BLM: variants seen among roughly 807,000 people sequenced by gnomAD.
The protein encoded by BLM is recQ-like DNA helicase BLM.
BLM carries 95 observed loss-of-function variants against 135.3 expected under a neutral mutation model. The observed-to-expected ratio is 0.70, with a 90% CI of 0.59 to 0.83. BLM has a LOEUF of 0.83. Among genes scored for constraint, BLM ranks in the 40% least tolerant of loss-of-function variants. The pLI, the probability that BLM is intolerant of heterozygous loss-of-function variation, is 0.00. For missense variants in BLM, 1,518 were observed against 1,663.9 expected (o/e 0.91, Z 1.53); for synonymous variants, 520 against 589.2 (o/e 0.88, Z 1.70).
rs377153391 is a variant in BLM at position 90,815,163 on chromosome 15, A to G, written c.4138A>G (p.Ser1380Gly). Residue 1380 changes from serine to glycine, a missense_variant, in exon 22 of 22, where the codon AGT becomes GGT. By Grantham distance (56) the Ser-to-Gly change is moderately conservative. This residue lies in a region of BLM where 153 missense variants were observed against 173.4 expected (regional missense o/e 0.88). Coordinates refer to ENST00000355112, the MANE Select transcript of BLM (RefSeq NM_000057.4). This position sits in a 1 kb window ranked among gnomAD's most constrained non-coding sequence, Gnocchi z 4.6. ...KTKSSSIIGS[S>G]SASHTSQATS... ...GAAATCCTCCAGCATCATTGGATCC[A>G]GTTCAGCCTCACATACTTCTCAAGC... is the stretch of plus-strand genomic sequence containing the variant. 1 of 1,614,092 alleles carries G rather than the reference A, an allele frequency of 6.2e-7. No individual in the cohort carries two copies. Among genetic ancestry groups the G allele is most frequent in the Non-Finnish European group, 8.5e-7 (1 of 1,180,038 alleles).
intron 19 of BLM, among the ~76,000 whole-genome samples, chr15:90,806,018 T>C (rs117704904): frequency 1.2e-3 from 180 of 152,224 alleles, no homozygotes; most frequent in Non-Finnish European, 1.9e-3. Context: ...TTACTTTGAT[T>C]ATATGTATTT....
chr15:90,806,510 C>CAAA (rs3079983), intron 19 of BLM, among the ~76,000 whole-genome samples: 13 of 113,408 alleles, frequency 1.1e-4, no homozygotes, highest in Admixed American at 1.6e-4. Context: ...GACTCCATCT[C>CAAA]AAAAAAAAAA....
chr15:90,750,458 C>T (rs779566520), intron 3 of BLM, among the ~76,000 whole-genome samples: 6 of 152,184 alleles, frequency 3.9e-5, no homozygotes, highest in Non-Finnish European at 8.8e-5. Flanking sequence ...GACAGTCAAT[C>T]TGATAACTGA....
rs1314614444 is a variant in BLM at position 90,790,637 on chromosome 15, C to T, written c.2824-12C>T. The T allele has an allele frequency of 1.2e-6, 2 of 1,613,242 alleles. No individual in the cohort carries two copies. Among genetic ancestry groups the T allele is most frequent in the Non-Finnish European group, 1.7e-6 (2 of 1,179,256 alleles). On this transcript the variant is annotated splice_polypyrimidine_tract_variant and intron_variant, in intron 14 of 21. Transcript: ENST00000355112. ...GCCTTATGAATCTAATAAGCTTTTG[C>T]TTTTATATCAGGTTATCTGTGCTAC... is the stretch of plus-strand genomic sequence containing the variant.
chr15:90,766,073 C>T (rs1350046103), intron 9 of BLM, among the ~76,000 whole-genome samples: 1 of 152,166 alleles, frequency 6.6e-6, no homozygotes, highest in Non-Finnish European at 1.5e-5. Context: ...CATGCCACTA[C>T]AATCTAGCCT....
rs759330541 is a variant in BLM at position 90,769,453 on chromosome 15, C to T, written c.2422C>T (p.Arg808Cys). Residue 808 changes from arginine to cysteine, a missense_variant, in exon 12 of 22, where the codon CGT becomes TGT. Arg to Cys is a radical substitution (Grantham distance 180). This residue lies in a region of BLM where 626 missense variants were observed against 681.1 expected (regional missense o/e 0.92). Coordinates refer to ENST00000355112, the MANE Select transcript of BLM (RefSeq NM_000057.4). ...TTCCAACTAGTGGGGACATGATTTTCGTCAAGATTACAAAAGAATGAATAT... is the reference window on the plus strand; with the variant it reads ...TTCCAACTAGTGGGGACATGATTTTTGTCAAGATTACAAAAGAATGAATAT... ...HCVSQWGHDFRQDYKRMNMLR... is the reference protein window; with the variant it reads ...HCVSQWGHDFCQDYKRMNMLR... The T allele has an allele frequency of 3.1e-5, 50 of 1,613,944 alleles. No individual in the cohort carries two copies. Among genetic ancestry groups the T allele is most frequent in the Non-Finnish European group, 3.2e-5 (38 of 1,180,024 alleles).
intron 1 of BLM, among the ~76,000 whole-genome samples, 157 bp from the exon 2 acceptor site, chr15:90,747,232 T>A (rs1284775210): frequency 2.4e-5 from 3 of 122,496 alleles, no homozygotes; most frequent in African/African-American, 9.9e-5. Context: ...AAACAGTCTA[T>A]TGACCAAAAA....
chr15:90,779,043 G>A (rs1317814285), intron 12 of BLM, among the ~76,000 whole-genome samples: 4 of 151,906 alleles, frequency 2.6e-5, no homozygotes, highest in Admixed American at 2.6e-4. Flanking sequence ...GCGCCACCAC[G>A]CCCAGCTAAT....
At chr15:90,751,567 C>T (rs772430362) in intron 3 of BLM, among the ~76,000 whole-genome samples, 1 of 152,188 alleles carries the variant, frequency 6.6e-6, no homozygotes. Flanking sequence ...AGCAAATCTT[C>T]GGCCTCAGTC....
At chr15:90,792,802 A>G (rs1896938014) in intron 15 of BLM, among the ~76,000 whole-genome samples, 1 of 152,130 alleles carries the variant, frequency 6.6e-6, no homozygotes, top group African/African-American at 2.4e-5. Flanking sequence ...GAACTAGTAA[A>G]TGGTAGAGCC....
chr15:90,761,881 G>A (rs986389972), intron 7 of BLM, among the ~76,000 whole-genome samples: 1 of 152,106 alleles, frequency 6.6e-6, no homozygotes, highest in Non-Finnish European at 1.5e-5. Flanking sequence ...GTTTTGAGAG[G>A]AATGAAATTA....
At chr15:90,752,645 T>C (rs1265128713) in intron 4 of BLM, among the ~76,000 whole-genome samples, 1 of 152,228 alleles carries the variant, frequency 6.6e-6, no homozygotes, top group Non-Finnish European at 1.5e-5. Flanking sequence ...TGTTATTCAC[T>C]CAATTTTAGC....
chr15:90,737,179 G>GT lies in BLM; in HGVS notation c.-4-10198dup, dbSNP rs35654593. ...CTGAATTTTGAACTCTTCTTAGTAG[G>GT]TTTTTTTTTTTTAGTGACAGGAGTG... On this transcript the variant is annotated intron_variant, in intron 1 of 21. Transcript: ENST00000355112. Among the ~76,000 whole-genome samples, 499 of 144,170 alleles carry GT rather than the reference G, an allele frequency of 3.5e-3. 1 individual carries two copies. The highest frequency in any genetic ancestry group is 5.8e-3 in the African/African-American group (231 of 40,148). The allele number at this position is 144,170 out of a possible 152,430, so 94.6% of individuals were successfully genotyped here.
Position 90,773,085 on chromosome 15 carries a change from G to T in BLM, c.2555+3499G>T, listed in dbSNP as rs534310823. 3.1e-3 allele frequency among the ~76,000 whole-genome samples: 356 copies of T among 115,642 alleles called. 2 individuals are homozygous for T. The highest frequency in any genetic ancestry group is 0.012 in the African/African-American group (332 of 28,334). 75.9% of individuals were successfully genotyped at this position (115,642 alleles called of 152,430 possible). On this transcript the variant is annotated intron_variant, in intron 12 of 21. Coordinates refer to ENST00000355112, the MANE Select transcript of BLM (RefSeq NM_000057.4). Reference sequence around the variant, plus strand: ...GCACCCCAGCCTGGGCAACAAGAGCGAGACTGTCTCAAAAAAAAAAAAAAA... The same window carrying T: ...GCACCCCAGCCTGGGCAACAAGAGCTAGACTGTCTCAAAAAAAAAAAAAAA...
At chr15:90,802,431 G>A (rs1232573286) in intron 17 of BLM, among the ~76,000 whole-genome samples, 2 of 152,194 alleles carry the variant, frequency 1.3e-5, no homozygotes, top group Non-Finnish European at 2.9e-5. Context: ...GCCAACTGTG[G>A]CTCTCGGCTA....
At chr15:90,731,431 G>A (rs535681282) in intron 1 of BLM, among the ~76,000 whole-genome samples, 4 of 152,210 alleles carry the variant, frequency 2.6e-5, no homozygotes, top group African/African-American at 9.6e-5. Flanking sequence ...TTTTGGAATC[G>A]TTTATGTAAA....
chr15:90,758,595 A>G (rs1266072307), intron 5 of BLM, among the ~76,000 whole-genome samples: 2 of 152,134 alleles, frequency 1.3e-5, no homozygotes, highest in African/African-American at 4.8e-5. Context: ...TTCAAACATC[A>G]TATCAGGAGT....
intron 14 of BLM, among the ~76,000 whole-genome samples, chr15:90,787,036 CTTTTTTTTTTTTTTTTTT>C (rs11366266): frequency 3.5e-5 from 2 of 57,962 alleles, no homozygotes; most frequent in Non-Finnish European, 6.0e-5. Flanking sequence ...TTAGGCATCT[CTTTTTTTTTTTTTTTTTT>C]TTTTTTTTTT....
intron 15 of BLM, 125 bp from the exon 16 acceptor site, chr15:90,794,042 A>G (rs1386329042): frequency 3.3e-6 from 2 of 608,424 alleles, no homozygotes; most frequent in Non-Finnish European, 5.4e-6. Context: ...CCATGTTGAC[A>G]ATGCTGTTAA....
Sources: allele counts gnomAD v4.1 joint callset (sites outside exome capture counted in the v4.1 genomes callset), GRCh38; gene constraint gnomAD v4.1.1; regional missense constraint gnomAD v4.1.1; non-coding constraint Gnocchi (gnomAD v3.1); transcripts MANE v1.5; gene names NCBI Gene and HGNC (gene_info 2026-07-23, HGNC 2026-07-21).